The following ARHGEF26 variants were observed in gnomAD, a reference collection of about 807,000 sequenced individuals.
ARHGEF26 encodes Rho guanine nucleotide exchange factor (GEF) 26.
ARHGEF26 carries 59 observed loss-of-function variants against 89.4 expected under a neutral mutation model. The ratio of observed to expected loss-of-function variants is 0.66; its 90% CI spans 0.54 to 0.82. The LOEUF (loss-of-function observed/expected upper bound fraction) is 0.82, where lower values mean the gene tolerates loss of function less well. ARHGEF26 is among the 40% of genes least tolerant of loss of function. The pLI, the probability that ARHGEF26 is intolerant of heterozygous loss-of-function variation, is 0.00. For synonymous variants in ARHGEF26, 500 were observed against 428.4 expected (o/e 1.17, Z -2.06); for missense variants, 1,234 against 1,085.6 (o/e 1.14, Z -1.92).
chr3:154,190,578 T>G (rs1449311117), intron 7 of ARHGEF26, among the ~76,000 whole-genome samples: 1 of 152,202 alleles, frequency 6.6e-6, no homozygotes, highest in African/African-American at 2.4e-5. Flanking sequence ...CATATTTACT[T>G]GGTGAGGTAG....
At chr3:154,187,627 G>C in intron 6 of ARHGEF26, 58 bp from the exon 7 acceptor site, 1 of 1,430,764 alleles carries the variant, frequency 7.0e-7, no homozygotes, top group Non-Finnish European at 9.4e-7. Context: ...AGGCTAATCT[G>C]TTATCTGTTA....
chr3:154,185,932 A>G (rs977803635), intron 6 of ARHGEF26, among the ~76,000 whole-genome samples: 4 of 152,028 alleles, frequency 2.6e-5, no homozygotes, highest in Admixed American at 2.6e-4. Flanking sequence ...AAGACCAAAT[A>G]CTTATTATTA....
At position 154,256,574 on chromosome 3, in the gene ARHGEF26, AAC is replaced by A. The variant is rs1392819027; in HGVS notation, c.*1102_*1103del. 56,474 of 821,322 alleles carry A rather than the reference AAC, an allele frequency of 0.069. 3,415 individuals are homozygous for A. The highest frequency in any genetic ancestry group is 0.076 in the South Asian group (1,306 of 17,136). The allele number at this position is 821,322 out of a possible 1,614,324, so 50.9% of individuals were successfully genotyped here. On this transcript the variant is annotated 3_prime_UTR_variant, in exon 15 of 15. Coordinates refer to ENST00000465093, the MANE Select transcript of ARHGEF26 (RefSeq NM_015595.4). ...AAAAAAAAAAAAAAAAAAAAAAAAA[AAC>A]CTTCCCAAATGAGCTGATAAAAAAC...
chr3:154,126,390 C>T (rs1409040626), intron 3 of ARHGEF26, among the ~76,000 whole-genome samples: 2 of 152,132 alleles, frequency 1.3e-5, no homozygotes, highest in African/African-American at 2.4e-5. Context: ...GGCCTGCAGA[C>T]CTAGGAAACA....
At chr3:154,143,719 C>G (rs1719523035) in intron 4 of ARHGEF26, among the ~76,000 whole-genome samples, 1 of 152,134 alleles carries the variant, frequency 6.6e-6, no homozygotes, top group South Asian at 2.1e-4. Context: ...TCTGGTCTGT[C>G]CCCCAGTATT....
intron 11 of ARHGEF26, among the ~76,000 whole-genome samples, chr3:154,229,667 C>T (rs960132967): frequency 6.6e-6 from 1 of 152,092 alleles, no homozygotes; most frequent in South Asian, 2.1e-4. Flanking sequence ...ATCCACTGTT[C>T]GCTAGTAACA....
At chr3:154,240,687 T>C in intron 12 of ARHGEF26, 108 bp downstream of exon 12, 1 of 980,988 alleles carries the variant, frequency 1.0e-6, no homozygotes, top group Non-Finnish European at 1.5e-6. Context: ...CATGTTTTTG[T>C]TGAGCACCTA....
chr3:154,216,621 T>TA (rs1220721991), intron 9 of ARHGEF26, among the ~76,000 whole-genome samples: 2 of 137,276 alleles, frequency 1.5e-5, no homozygotes, highest in Non-Finnish European at 3.1e-5. Flanking sequence ...GCCATGCTGG[T>TA]ACGCTGCACC....
At chr3:154,187,405 T>TG (rs1713644609) in intron 6 of ARHGEF26, among the ~76,000 whole-genome samples, 1 of 151,020 alleles carries the variant, frequency 6.6e-6, no homozygotes, top group African/African-American at 2.4e-5. Context: ...TTTTTGGTTT[T>TG]GTCTTGTCTT....
At chr3:154,123,379 T>G (rs1219121478) in intron 2 of ARHGEF26, among the ~76,000 whole-genome samples, 2 of 152,126 alleles carry the variant, frequency 1.3e-5, no homozygotes, top group Non-Finnish European at 2.9e-5. Flanking sequence ...TTTACCACTT[T>G]TAAAAGAGAT....
intron 6 of ARHGEF26, among the ~76,000 whole-genome samples, chr3:154,178,199 A>G (rs2108155332): frequency 6.6e-6 from 1 of 152,280 alleles, no homozygotes; most frequent in African/African-American, 2.4e-5. Flanking sequence ...GTGAGACTCC[A>G]TCTTAAAAAA....
intron 11 of ARHGEF26, among the ~76,000 whole-genome samples, chr3:154,235,770 A>G (rs1287238551): frequency 1.3e-5 from 2 of 152,182 alleles, no homozygotes; most frequent in African/African-American, 4.8e-5. Context: ...AAAAAAATAT[A>G]TAAAACACTT....
At chr3:154,146,024 G>A (rs1263633524) in intron 4 of ARHGEF26, among the ~76,000 whole-genome samples, 168 of 152,332 alleles carry the variant, frequency 1.1e-3, no homozygotes, top group African/African-American at 3.8e-3. Context: ...ATTTATCTGA[G>A]AAGCTCAGAC....
chr3:154,231,680 T>A (rs912912188), intron 11 of ARHGEF26, among the ~76,000 whole-genome samples: 23 of 152,188 alleles, frequency 1.5e-4, no homozygotes, highest in African/African-American at 5.5e-4. Context: ...TTTAAACCTT[T>A]ACGTAATTGC....
chr3:154,202,863 C>T (rs550128535), intron 9 of ARHGEF26, among the ~76,000 whole-genome samples: 94 of 151,944 alleles, frequency 6.2e-4, no homozygotes, highest in Admixed American at 3.0e-3. Flanking sequence ...CCTGAGACTT[C>T]GCTGAAGTTG....
intron 6 of ARHGEF26, among the ~76,000 whole-genome samples, chr3:154,185,484 T>C (rs937731675): frequency 2.6e-5 from 4 of 152,050 alleles, no homozygotes; most frequent in African/African-American, 9.7e-5. Context: ...TTCTGCTTTA[T>C]TATATAGGGT....
At position 154,251,647 on chromosome 3, in the gene ARHGEF26, T is replaced by C. The variant is rs112147776; in HGVS notation, c.2301-1469T>C. On this transcript the variant is annotated intron_variant, in intron 12 of 14. Transcript: ENST00000465093. ...GGATGGAGATGGAAGGATTGGTTTATGTATCAGAGGAGCCCCCACTGGAGG... is the reference window on the plus strand; with the variant it reads ...GGATGGAGATGGAAGGATTGGTTTACGTATCAGAGGAGCCCCCACTGGAGG... Among the ~76,000 whole-genome samples, 247 of 152,276 alleles carry C rather than the reference T, an allele frequency of 1.6e-3. 2 individuals are homozygous for C. The highest frequency in any genetic ancestry group is 5.7e-3 in the African/African-American group (237 of 41,560).
At chr3:154,210,416 C>T (rs1003854533) in intron 9 of ARHGEF26, among the ~76,000 whole-genome samples, 3 of 151,998 alleles carry the variant, frequency 2.0e-5, no homozygotes, top group African/African-American at 7.2e-5. Flanking sequence ...TCCCTTCTGG[C>T]GATTCTCATG....
At chr3:154,228,804 C>T (rs761949677) in intron 11 of ARHGEF26, among the ~76,000 whole-genome samples, 11 of 152,274 alleles carry the variant, frequency 7.2e-5, no homozygotes, top group African/African-American at 1.7e-4. Context: ...CTGAACAAGG[C>T]GATAATTTAG....
Sources: gnomAD v4.1 joint callset for allele counts (sites outside exome capture counted in the v4.1 genomes callset) on GRCh38, gnomAD v4.1.1 for gene constraint, MANE v1.5 for transcripts, NCBI Gene and HGNC (gene_info 2026-07-23, HGNC 2026-07-21) for gene names.